The following CSRNP3 variants were observed in gnomAD, a reference collection of about 807,000 sequenced individuals.
The protein encoded by CSRNP3 is cysteine and serine rich nuclear protein 3.
Under a neutral mutation model 48.0 loss-of-function variants are expected in CSRNP3, and 12 were observed. The ratio of observed to expected loss-of-function variants is 0.25; its 90% CI spans 0.16 to 0.41. The LOEUF is 0.41. CSRNP3 is among the 10% of genes least tolerant of loss of function. CSRNP3 has a pLI of 1.00. For missense variants in CSRNP3, 580 were observed against 724.4 expected, an observed-to-expected ratio of 0.80 and a Z score of 2.29; for synonymous variants, 263 against 269.7, an observed-to-expected ratio of 0.98 and a Z score of 0.24.
At chr2:165,497,964 T>C (rs1684305045) in intron 2 of CSRNP3, among the ~76,000 whole-genome samples, 1 of 152,134 alleles carries the variant, frequency 6.6e-6, no homozygotes, top group South Asian at 2.1e-4. Flanking sequence ...TCTCATTTCT[T>C]ATTGCCTTTT....
At chr2:165,654,910 G>A (rs557888305) in intron 4 of CSRNP3, among the ~76,000 whole-genome samples, 11 of 152,324 alleles carry the variant, frequency 7.2e-5, no homozygotes, top group South Asian at 6.2e-4. Context: ...GATTACAGGC[G>A]TCAGCCTCAC....
intron 6 of CSRNP3, among the ~76,000 whole-genome samples, chr2:165,677,720 C>T (rs1029773469): frequency 6.6e-6 from 1 of 152,104 alleles, no homozygotes; most frequent in African/African-American, 2.4e-5. Context: ...GATAAGGTGA[C>T]AAGCAGAGCA....
Position 165,678,974 on chromosome 2 carries a change from G to A in CSRNP3, c.979G>A (p.Val327Met). ...FEIETEPQAAVLHLQSAEELD... is the reference protein window; with the variant it reads ...FEIETEPQAAMLHLQSAEELD... The stretch of plus-strand genomic sequence containing the variant: ...GATTGAAACTGAGCCCCAGGCTGCA[G>A]TGCTGCACCTGCAGTCGGCTGAAGA... The change falls in exon 7 of 7, where the codon GTG (valine) becomes ATG (methionine). Residue 327 changes from valine (V) to methionine (M), a missense_variant. Around this residue, in one of 4 missense-constraint regions of CSRNP3, gnomAD observed 369 missense variants for 380.8 expected, o/e 0.97. Transcript: ENST00000651982. 6.2e-7 allele frequency: 1 copy of A among 1,614,052 alleles called. No individual in the cohort carries two copies. Among genetic ancestry groups the A allele is most frequent in the Non-Finnish European group, 8.5e-7 (1 of 1,179,996 alleles).
intron 4 of CSRNP3, among the ~76,000 whole-genome samples, chr2:165,613,766 T>G (rs2105312229): frequency 6.6e-6 from 1 of 152,324 alleles, no homozygotes. Flanking sequence ...ATGTGTGTGT[T>G]TTGATGCCAG....
chr2:165,679,068 A>C lies in CSRNP3; in HGVS notation c.1073A>C (p.Asp358Ala). ...DGSSFCSGVT[D>A]SSTQSLAPSE... ...AGCAGCTTTTGCAGCGGAGTCACAG[A>C]TTCTAGCACGCAAAGCTTGGCACCT... Residue 358 changes from aspartate (D) to alanine (A), a missense_variant, in exon 7 of 7, where the codon GAT becomes GCT. Transcript: ENST00000651982. 6.2e-7 allele frequency: 1 copy of C among 1,613,764 alleles called. No individual in the cohort carries two copies. Among genetic ancestry groups the C allele is most frequent in the South Asian group, 1.1e-5 (1 of 91,058 alleles).
chr2:165,591,214 G>C lies in CSRNP3; in HGVS notation c.-23-3829G>C, dbSNP rs190653445. On this transcript the variant is annotated intron_variant, in intron 3 of 6. Coordinates refer to ENST00000651982, the MANE Select transcript of CSRNP3 (RefSeq NM_001172173.2). ...ATGGAGTAAAGGTCACTCTTGCTAT[G>C]CAAAGAGACTGGCAGCATTTTGTCA... is the stretch of plus-strand genomic sequence containing the variant. Among the ~76,000 whole-genome samples, 18 of 152,286 alleles carry C rather than the reference G, an allele frequency of 1.2e-4. No homozygotes were observed. In the East Asian group the frequency reaches 2.9e-3, roughly 24 times the overall value.
In CSRNP3 at chr2:165,593,486, G is replaced by A. The variant is rs1574854066; in HGVS notation, c.-23-1557G>A. 2.0e-5 allele frequency among the ~76,000 whole-genome samples: 3 copies of A among 152,240 alleles called. 1 individual carries two copies. The South Asian group carries it at 6.2e-4, about 32-fold the overall frequency. On this transcript the variant is annotated intron_variant, in intron 3 of 6. Coordinates refer to ENST00000651982, the MANE Select transcript of CSRNP3 (RefSeq NM_001172173.2). Reference sequence around the variant, plus strand: ...TGCATTTCTAACCATCTCACTCCCAGGTAATGCTACTGCTGCTCATTCAGG... The same window carrying A: ...TGCATTTCTAACCATCTCACTCCCAAGTAATGCTACTGCTGCTCATTCAGG...
chr2:165,668,463 G>A (rs976088559), intron 5 of CSRNP3, among the ~76,000 whole-genome samples: 9 of 136,582 alleles, frequency 6.6e-5, no homozygotes, highest in Admixed American at 2.3e-4. Flanking sequence ...GTGCAGTGGT[G>A]TGATCTCAGC....
intron 3 of CSRNP3, among the ~76,000 whole-genome samples, chr2:165,556,511 CG>C (rs1558933482): frequency 4.6e-5 from 7 of 151,992 alleles, no homozygotes. Context: ...ACTTTGGGGA[CG>C]TCCAAGTGGG....
At position 165,684,450 on chromosome 2, in the gene CSRNP3, G is replaced by T. The variant is rs1687597065; in HGVS notation, c.*4697G>T. 6.6e-6 allele frequency: 1 copy of T among 152,028 alleles called. No homozygotes were observed. The highest frequency in any genetic ancestry group is 2.4e-5 in the African/African-American group (1 of 41,394). 9.4% of individuals were successfully genotyped at this position (152,028 alleles called of 1,614,324 possible). On this transcript the variant is annotated 3_prime_UTR_variant, in exon 7 of 7. Transcript: ENST00000651982. ...TTATAGCCAGTGTATTAAATACCAG[G>T]CTTTAATGGGAAGCACCTTTGTGCT...
chr2:165,531,696 A>G (rs1370651012), intron 3 of CSRNP3, among the ~76,000 whole-genome samples: 3 of 152,214 alleles, frequency 2.0e-5, no homozygotes, highest in Non-Finnish European at 2.9e-5. Context: ...GAAGGCAAGA[A>G]ATAACTAAGA....
chr2:165,484,554 C>T (rs1287776544), intron 1 of CSRNP3, among the ~76,000 whole-genome samples: 1 of 152,142 alleles, frequency 6.6e-6, no homozygotes, highest in African/African-American at 2.4e-5. Context: ...ACAGTTTCTT[C>T]CAGCCATGTA....
At chr2:165,499,412 GA>G (rs933063213) in intron 2 of CSRNP3, among the ~76,000 whole-genome samples, 43 of 151,844 alleles carry the variant, frequency 2.8e-4, no homozygotes, top group Admixed American at 1.6e-3. Context: ...CTGCTTAAAA[GA>G]AAAAAAGAGA....
chr2:165,673,096 T>G (rs928837094), intron 5 of CSRNP3, among the ~76,000 whole-genome samples: 3 of 151,222 alleles, frequency 2.0e-5, no homozygotes, highest in Non-Finnish European at 4.4e-5. Flanking sequence ...AGAAAACTTA[T>G]AGTTTATTGA....
intron 4 of CSRNP3, among the ~76,000 whole-genome samples, chr2:165,629,994 G>A (rs1686505156): frequency 6.6e-6 from 1 of 152,124 alleles, no homozygotes; most frequent in Non-Finnish European, 1.5e-5. Context: ...AAGAAAGGTT[G>A]CAGCATTTTC....
chr2:165,605,075 A>G (rs1685987442), intron 4 of CSRNP3, among the ~76,000 whole-genome samples: 1 of 152,088 alleles, frequency 6.6e-6, no homozygotes, highest in Non-Finnish European at 1.5e-5. Context: ...AGCCTTCCAG[A>G]CGCCCTCTCT....
intron 4 of CSRNP3, 37 bp from the exon 5 acceptor site, chr2:165,657,723 GC>G: frequency 1.2e-6 from 2 of 1,602,954 alleles, no homozygotes; most frequent in Non-Finnish European, 1.7e-6. Flanking sequence ...GAAAACTGCT[GC>G]CCCAAGTGTT....
At chr2:165,473,541 G>T (rs1049408887) in intron 1 of CSRNP3, among the ~76,000 whole-genome samples, 1 of 151,946 alleles carries the variant, frequency 6.6e-6, no homozygotes, top group African/African-American at 2.4e-5. Flanking sequence ...ACAACTCAAA[G>T]GTATTATTAA....
Position 165,684,545 on chromosome 2 carries a change from C to G in CSRNP3, c.*4792C>G, listed in dbSNP as rs1163733785. Reference sequence around the variant, plus strand: ...TTGTATTCTTACCACAACCAAAACCCAAAGTTTAAAGGCTTGATTACTCTA... The same window carrying G: ...TTGTATTCTTACCACAACCAAAACCGAAAGTTTAAAGGCTTGATTACTCTA... On this transcript the variant is annotated 3_prime_UTR_variant, in exon 7 of 7. Coordinates refer to ENST00000651982, the MANE Select transcript of CSRNP3 (RefSeq NM_001172173.2). 6.6e-6 allele frequency: 1 copy of G among 151,966 alleles called. No individual in the cohort carries two copies. Among genetic ancestry groups the G allele is most frequent in the Non-Finnish European group, 1.5e-5 (1 of 67,984 alleles). The allele number at this position is 151,966 out of a possible 1,614,324, so 9.4% of individuals were successfully genotyped here.
Sources: allele counts gnomAD v4.1 joint callset (sites outside exome capture counted in the v4.1 genomes callset), GRCh38; gene constraint gnomAD v4.1.1; regional missense constraint gnomAD v4.1.1; transcripts MANE v1.5; gene names NCBI Gene and HGNC (gene_info 2026-07-23, HGNC 2026-07-21).